The following OTUD7A variants were observed in gnomAD, a reference collection of about 807,000 sequenced individuals.
OTUD7A encodes OTU domain-containing protein 7A.
OTUD7A carries 12 observed loss-of-function variants against 65.7 expected under a neutral mutation model. The observed-to-expected ratio is 0.18, with a 90% confidence interval of 0.12 to 0.30. The LOEUF is 0.30. Ranked by LOEUF, OTUD7A falls within the 10% of genes least tolerant of loss-of-function variation. OTUD7A has a pLI of 1.00. For missense variants in OTUD7A, 1,148 were observed against 1,304.8 expected (o/e 0.88, Z 1.85); for synonymous variants, 641 against 586.3 (o/e 1.09, Z -1.35).
chr15:31,823,816 C>A (rs1896741598), intron 1 of OTUD7A, among the ~76,000 whole-genome samples: 1 of 152,120 alleles, frequency 6.6e-6, no homozygotes, highest in Admixed American at 6.5e-5. Flanking sequence ...CAGCCTAAAT[C>A]CCATGCTGGA....
chr15:31,629,942 C>T (rs955067770), intron 3 of OTUD7A, among the ~76,000 whole-genome samples: 23 of 152,014 alleles, frequency 1.5e-4, no homozygotes, highest in Admixed American at 1.2e-3. Context: ...GGTGATATCC[C>T]CTTTATCATT....
At chr15:31,802,392 T>C (rs1010143621) in intron 1 of OTUD7A, among the ~76,000 whole-genome samples, 2 of 152,168 alleles carry the variant, frequency 1.3e-5, no homozygotes, top group Non-Finnish European at 2.9e-5. Flanking sequence ...TGGCAGCTGA[T>C]TAGATTGTGC....
chr15:31,559,001 T>TC lies in OTUD7A; in HGVS notation c.517dup (p.Glu173GlyfsTer25). 1 of 1,614,224 alleles carries TC rather than the reference T, an allele frequency of 6.2e-7. No homozygotes were observed. The highest frequency in any genetic ancestry group is 8.5e-7 in the Non-Finnish European group (1 of 1,180,048). On this transcript the variant is annotated frameshift_variant, in exon 5 of 13. Transcript: ENST00000307050. LOFTEE classifies it high-confidence loss of function. ...CTCCAAAGCCACCATTGTTGCCTGCTCGATCAAGTCCCGCTCGATGAAGCT... is the reference window on the plus strand; with the variant it reads ...CTCCAAAGCCACCATTGTTGCCTGCTCCGATCAAGTCCCGCTCGATGAAGCT...
At chr15:31,768,034 T>C (rs1322958629) in intron 1 of OTUD7A, 10 of 1,601,032 alleles carry the variant, frequency 6.2e-6, no homozygotes, top group Non-Finnish European at 8.6e-6. Context: ...TATTTCTTAA[T>C]AGGTCATAAA....
intron 1 of OTUD7A, among the ~76,000 whole-genome samples, chr15:31,796,142 C>CGTGTGTGTGTGTGTGTGTGTGTGTGT (rs145581747): frequency 2.6e-4 from 39 of 148,132 alleles, no homozygotes; most frequent in Admixed American, 2.6e-3. Flanking sequence ...GTAAGGGGTG[C>CGTGTGTGTGTGTGTGTGTGTGTGTGT]GTGTGTGTGT....
chr15:31,688,820 C>T (rs938787716), intron 1 of OTUD7A, among the ~76,000 whole-genome samples: 17 of 150,206 alleles, frequency 1.1e-4, no homozygotes, highest in African/African-American at 3.6e-4. Context: ...TGAAGAATTA[C>T]GGGTGTTCAC....
At chr15:31,756,627 A>AAC (rs56792926) in intron 1 of OTUD7A, among the ~76,000 whole-genome samples, 28 of 138,472 alleles carry the variant, frequency 2.0e-4, no homozygotes, top group Admixed American at 5.7e-4. Flanking sequence ...CAGTGTACCC[A>AAC]ACACACACAC....
At chr15:31,643,724 T>C (rs1485207508) in intron 3 of OTUD7A, among the ~76,000 whole-genome samples, 2 of 152,254 alleles carry the variant, frequency 1.3e-5, no homozygotes, top group African/African-American at 4.8e-5. Flanking sequence ...CATTATTTGG[T>C]GCTGGACAAG....
intron 5 of OTUD7A, among the ~76,000 whole-genome samples, chr15:31,551,530 T>C (rs188070910): frequency 6.6e-6 from 1 of 152,244 alleles, no homozygotes; most frequent in African/African-American, 2.4e-5. Flanking sequence ...TTCTGACTTT[T>C]CTGAGCAATA....
At chr15:31,789,022 G>T (rs561780466) in intron 1 of OTUD7A, among the ~76,000 whole-genome samples, 33 of 152,136 alleles carry the variant, frequency 2.2e-4, no homozygotes, top group Non-Finnish European at 4.1e-4. Flanking sequence ...TTGTCCTACA[G>T]CCATTACCAT....
At chr15:31,628,307 A>C (rs1891028757) in intron 3 of OTUD7A, among the ~76,000 whole-genome samples, 1 of 152,230 alleles carries the variant, frequency 6.6e-6, no homozygotes, top group African/African-American at 2.4e-5. Context: ...AGCTTTCTAC[A>C]TATGGCCAGC....
At chr15:31,622,914 G>A (rs1475947958) in intron 3 of OTUD7A, among the ~76,000 whole-genome samples, 1 of 152,210 alleles carries the variant, frequency 6.6e-6, no homozygotes, top group African/African-American at 2.4e-5. Context: ...TCTGGTCTTT[G>A]ATGATGGTGA....
In OTUD7A at chr15:31,566,974, T is replaced by C. The variant is rs1888896254; in HGVS notation, c.331+3044A>G. On this transcript the variant is annotated intron_variant, in intron 4 of 12. Coordinates refer to ENST00000307050, the MANE Select transcript of OTUD7A (RefSeq NM_001382637.1). Reference sequence around the variant, plus strand: ...TCTTTTCTTTATAAATTACCCAGCCTCAGATATTTCTTCATAGCAATGCAA... The same window carrying C: ...TCTTTTCTTTATAAATTACCCAGCCCCAGATATTTCTTCATAGCAATGCAA... 1.3e-5 allele frequency among the ~76,000 whole-genome samples: 2 copies of C among 152,120 alleles called. 1 individual carries two copies. The highest frequency in any genetic ancestry group is 4.1e-4 in the South Asian group (2 of 4,822).
chr15:31,583,580 T>G (rs1889438765), intron 3 of OTUD7A, among the ~76,000 whole-genome samples: 1 of 151,792 alleles, frequency 6.6e-6, no homozygotes, highest in Admixed American at 6.6e-5. Flanking sequence ...GATTTGGTGG[T>G]TTTATCAGGG....
intron 5 of OTUD7A, among the ~76,000 whole-genome samples, chr15:31,551,513 T>G (rs1386264989): frequency 1.3e-5 from 2 of 152,200 alleles, no homozygotes; most frequent in African/African-American, 4.8e-5. Context: ...GAGCTATTAG[T>G]CACTTATTCT....
intron 1 of OTUD7A, among the ~76,000 whole-genome samples, chr15:31,746,929 G>A (rs1020873574): frequency 2.0e-5 from 3 of 152,204 alleles, no homozygotes; most frequent in African/African-American, 7.2e-5. Context: ...CTGTATCTTG[G>A]TAGGGGTGTC....
intron 3 of OTUD7A, among the ~76,000 whole-genome samples, chr15:31,631,258 T>G (rs1258678686): frequency 6.6e-6 from 1 of 152,224 alleles, no homozygotes; most frequent in East Asian, 1.9e-4. Context: ...AGTTCTTCCT[T>G]TAAGAGCTCT....
intron 1 of OTUD7A, among the ~76,000 whole-genome samples, chr15:31,838,834 T>A (rs1184387816): frequency 6.6e-6 from 1 of 152,084 alleles, no homozygotes; most frequent in Non-Finnish European, 1.5e-5. Context: ...ATTTTGAGGG[T>A]CCTCCACTAC....
In OTUD7A at chr15:31,487,470, T is replaced by C. The variant is rs2041254300; in HGVS notation, c.1268A>G (p.Asp423Gly). The C allele has an allele frequency of 1.9e-6, 3 of 1,613,910 alleles. No individual in the cohort carries two copies. The highest frequency in any genetic ancestry group is 2.2e-5 in the South Asian group (2 of 91,068). The change falls in exon 11 of 13, where the codon GAT (aspartate) becomes GGT (glycine). Residue 423 changes from aspartate to glycine, a missense_variant. Coordinates refer to ENST00000307050, the MANE Select transcript of OTUD7A (RefSeq NM_001382637.1). This position sits in a 1 kb window ranked among gnomAD's most constrained non-coding sequence, Gnocchi z 6.0. ...KDWEWGKDDN[D>G]NARLAHLILS... ...ATCTTACTGGGCCAGCCGGGCGTTA[T>C]CGTTGTCGTCTTTCCCCCACTCCCA...
Sources: gnomAD v4.1 joint callset for allele counts (sites outside exome capture counted in the v4.1 genomes callset) on GRCh38, gnomAD v4.1.1 for gene constraint, Gnocchi (gnomAD v3.1) non-coding constraint, MANE v1.5 for transcripts, NCBI Gene and HGNC (gene_info 2026-07-23, HGNC 2026-07-21) for gene names.